Variants in ZNF469 observed in about 807,000 individuals in gnomAD.
ZNF469 encodes the protein zinc finger protein 469.
In ZNF469, 1 loss-of-function variant was observed where a neutral mutation model predicts 1.0. The ratio of observed to expected loss-of-function variants is 1.00; its 90% CI spans 0.35 to 4.73. The LOEUF (loss-of-function observed/expected upper bound fraction) is 4.73. Among genes scored for constraint, ZNF469 ranks in the 30% most tolerant of loss-of-function variants. ZNF469 has a pLI of 0.16. For missense variants in ZNF469, 6,100 were observed against 5,356.3 expected (o/e 1.14, Z -4.33); for synonymous variants, 2,703 against 2,363.4 (o/e 1.14, Z -4.17).
the ZNF469 span, among the ~76,000 whole-genome samples, chr16:88,307,512 G>T: frequency 1.3e-5 from 2 of 152,168 alleles, no homozygotes; most frequent in Non-Finnish European, 2.9e-5. Flanking sequence ...ACCTGTTATT[G>T]TCTGTCTTTT....
intron 1 of ZNF469, among the ~76,000 whole-genome samples, chr16:88,392,198 C>T (rs775187452): frequency 5.3e-5 from 8 of 152,256 alleles, no homozygotes; most frequent in Non-Finnish European, 1.2e-4. Flanking sequence ...TTGCTGCGCC[C>T]TCAGGAAGTC....
the ZNF469 span, among the ~76,000 whole-genome samples, chr16:88,111,296 G>A: frequency 4.6e-5 from 7 of 152,140 alleles, no homozygotes; most frequent in African/African-American, 1.7e-4. Context: ...ATATTCATGG[G>A]GTACATGAGA....
chr16:88,393,385 A>G (rs9929493), intron 1 of ZNF469, among the ~76,000 whole-genome samples: 45,169 of 152,206 alleles, frequency 0.3, 7,237 homozygotes, highest in Non-Finnish European at 0.35. Context: ...AAGGCTGTCC[A>G]CACCAGCAGC....
intron 1 of ZNF469, among the ~76,000 whole-genome samples, chr16:88,384,180 C>T (rs1363470247): frequency 6.6e-6 from 1 of 152,210 alleles, no homozygotes; most frequent in African/African-American, 2.4e-5. Context: ...CGTGTTAACC[C>T]AAGTCTTAGA....
chr16:88,391,714 C>T (rs1904496997), intron 1 of ZNF469, among the ~76,000 whole-genome samples: 1 of 152,190 alleles, frequency 6.6e-6, no homozygotes, highest in Non-Finnish European at 1.5e-5. Context: ...TCAGGAGATG[C>T]GAGGGGACAG....
chr16:88,288,267 C>T, the ZNF469 span, among the ~76,000 whole-genome samples: 186 of 152,134 alleles, frequency 1.2e-3, no homozygotes, highest in African/African-American at 4.2e-3. Context: ...TGGAGCATGC[C>T]CCCAGTAGCT....
chr16:88,433,569 A>G lies in ZNF469; in HGVS notation c.6099A>G (p.Ala2033=), dbSNP rs557168382. 6 of 1,550,354 alleles carry G rather than the reference A, an allele frequency of 3.9e-6. No individual in the cohort carries two copies. In the South Asian group the frequency reaches 7.1e-5, roughly 18 times the overall value. Residue 2033 remains alanine, a synonymous_variant, in exon 3 of 3, where the codon GCA becomes GCG. Transcript: ENST00000565624. ...KTALTGPTEG[A]VLLEKCKGSR... The stretch of plus-strand genomic sequence containing the variant: ...CGCTGACCGGCCCCACCGAGGGTGC[A>G]GTCCTGCTAGAGAAATGCAAGGGAA...
intron 1 of ZNF469, among the ~76,000 whole-genome samples, chr16:88,412,779 C>G (rs1905209672): frequency 6.6e-6 from 1 of 152,226 alleles, no homozygotes; most frequent in Non-Finnish European, 1.5e-5. Flanking sequence ...CACCATAAAC[C>G]ATGCCGACGG....
chr16:88,103,674 G>A, the ZNF469 span, among the ~76,000 whole-genome samples: 20 of 152,128 alleles, frequency 1.3e-4, no homozygotes, highest in East Asian at 2.3e-3. Context: ...GGGTGGGGGC[G>A]GTAGAATAAT....
At chr16:88,263,319 C>T in the ZNF469 span, among the ~76,000 whole-genome samples, 1 of 152,180 alleles carries the variant, frequency 6.6e-6, no homozygotes, top group Admixed American at 6.5e-5. Flanking sequence ...GCATATGAGG[C>T]CCTTGTCGCA....
At chr16:88,122,109 CTG>C in the ZNF469 span, among the ~76,000 whole-genome samples, 1 of 147,322 alleles carries the variant, frequency 6.8e-6, no homozygotes, top group Non-Finnish European at 1.5e-5. Context: ...GGATCACACT[CTG>C]TCACTCACTG....
At chr16:88,333,894 G>A in the ZNF469 span, among the ~76,000 whole-genome samples, 2 of 150,716 alleles carry the variant, frequency 1.3e-5, no homozygotes, top group Non-Finnish European at 3.0e-5. Context: ...GTGTCTGTGT[G>A]TGTGTTTTTG....
chr16:88,379,115 C>T (rs1430353847), upstream of ZNF469, among the ~76,000 whole-genome samples: 2 of 152,200 alleles, frequency 1.3e-5, no homozygotes, highest in African/African-American at 4.8e-5. Context: ...ATTTTTACAT[C>T]AGGCAAAAGT....
At chr16:88,151,912 A>T in the ZNF469 span, among the ~76,000 whole-genome samples, 1 of 152,294 alleles carries the variant, frequency 6.6e-6, no homozygotes, top group Admixed American at 6.5e-5. The surrounding 1 kb of genome is among the most constrained non-coding windows in gnomAD (Gnocchi z 5.4). Context: ...GAACCCAGAA[A>T]CTCAGAAAAC....
the ZNF469 span, among the ~76,000 whole-genome samples, chr16:88,131,450 T>G: frequency 8.7e-4 from 98 of 112,876 alleles, no homozygotes; most frequent in Non-Finnish European, 3.1e-4. Context: ...GGCCTGTTTG[T>G]TAGAACCTCT....
chr16:88,264,179 G>C, the ZNF469 span, among the ~76,000 whole-genome samples: 4 of 152,078 alleles, frequency 2.6e-5, no homozygotes, highest in African/African-American at 9.7e-5. Flanking sequence ...AGGTCACTCT[G>C]CTCCTGGGTC....
chr16:88,322,718 A>G, the ZNF469 span, among the ~76,000 whole-genome samples: 1 of 152,168 alleles, frequency 6.6e-6, no homozygotes, highest in East Asian at 1.9e-4. Context: ...TCTAGGCTGC[A>G]TCAGGAAATG....
At chr16:88,113,721 G>A in the ZNF469 span, among the ~76,000 whole-genome samples, 2 of 152,230 alleles carry the variant, frequency 1.3e-5, no homozygotes, top group African/African-American at 2.4e-5. Context: ...TGGGACAGGC[G>A]GTGCAGGGCC....
At chr16:88,366,653 C>A in the ZNF469 span, among the ~76,000 whole-genome samples, 36 of 146,436 alleles carry the variant, frequency 2.5e-4, no homozygotes, top group Non-Finnish European at 4.4e-4. Flanking sequence ...ATCACCACCA[C>A]CATCACCATC....
Sources: gnomAD v4.1 joint callset for allele counts (sites outside exome capture counted in the v4.1 genomes callset) on GRCh38, gnomAD v4.1.1 for gene constraint, Gnocchi (gnomAD v3.1) non-coding constraint, MANE v1.5 for transcripts, NCBI Gene and HGNC (gene_info 2026-07-23, HGNC 2026-07-21) for gene names.